Variants in PIP5K1A observed in about 807,000 individuals in gnomAD.
PIP5K1A encodes the protein phosphatidylinositol 4-phosphate 5-kinase type-1 alpha.
PIP5K1A carries 46 observed loss-of-function variants against 72.9 expected under a neutral mutation model. That is an observed-to-expected ratio of 0.63 (90% CI 0.50 to 0.81). PIP5K1A has a LOEUF of 0.81. PIP5K1A is among the 30% of genes least tolerant of loss of function. PIP5K1A has a pLI of 0.00. For missense variants in PIP5K1A, 458 were observed against 706.1 expected (o/e 0.65, Z 3.98); for synonymous variants, 228 against 255.1 (o/e 0.89, Z 1.01).
rs988479962 is a variant in PIP5K1A at position 151,241,261 on chromosome 1, G to A, written c.1364-862G>A. 3.4e-4 allele frequency among the ~76,000 whole-genome samples: 51 copies of A among 152,194 alleles called. 2 individuals carry two copies. Among genetic ancestry groups the A allele is most frequent in the Non-Finnish European group, 1.5e-5 (1 of 68,036 alleles). ...TCACACCAGTAATCCCAGCATTTTA[G>A]GAGGCCGAGGAGGGCAGATCACAAG... On this transcript the variant is annotated intron_variant, in intron 12 of 15. Coordinates refer to ENST00000368888, the MANE Select transcript of PIP5K1A (RefSeq NM_001135638.2).
Position 151,247,979 on chromosome 1 carries a change from T to C in PIP5K1A, c.*114T>C. 1 of 933,772 alleles carries C rather than the reference T, an allele frequency of 1.1e-6. No homozygotes were observed. Among genetic ancestry groups the C allele is most frequent in the Non-Finnish European group, 1.8e-6 (1 of 569,364 alleles). The allele number at this position is 933,772 out of a possible 1,614,324, so 57.8% of individuals were successfully genotyped here. A position where few individuals can be genotyped will look rare whatever the true frequency, so the allele number is the denominator to read the frequency against. On this transcript the variant is annotated 3_prime_UTR_variant, in exon 16 of 16. Transcript: ENST00000368888. ...TTCTACTTGGTCATCAAAAAAGGAG[T>C]GTAATAGAAGTGAGGGGAGCTGCTC... is the stretch of plus-strand genomic sequence containing the variant.
At chr1:151,213,206 TAAAATTTG>T (rs1687105826) in intron 1 of PIP5K1A, among the ~76,000 whole-genome samples, 1 of 152,140 alleles carries the variant, frequency 6.6e-6, no homozygotes. Context: ...TTTTAAAAAA[TAAAATTTG>T]TATTTTTTTG....
intron 1 of PIP5K1A, among the ~76,000 whole-genome samples, chr1:151,201,886 G>A (rs1227908950): frequency 6.6e-6 from 1 of 152,024 alleles, no homozygotes; most frequent in Non-Finnish European, 1.5e-5. Flanking sequence ...GGGGCAAAAA[G>A]TGGCTAAATT....
intron 9 of PIP5K1A, 85 bp from the exon 10 acceptor site, chr1:151,238,097 G>A (rs1332197883): frequency 3.8e-6 from 3 of 788,692 alleles, no homozygotes; most frequent in Non-Finnish European, 6.8e-6. Flanking sequence ...GGATGAGGCA[G>A]TTATGTGTAG....
intron 1 of PIP5K1A, among the ~76,000 whole-genome samples, chr1:151,220,177 T>G (rs1688215605): frequency 6.6e-6 from 1 of 151,826 alleles, no homozygotes; most frequent in South Asian, 2.1e-4. Flanking sequence ...GCTACTTTTT[T>G]GTATTTTTAG....
At chr1:151,227,520 G>T in intron 4 of PIP5K1A, 120 bp downstream of exon 4, 2 of 592,988 alleles carry the variant, frequency 3.4e-6, no homozygotes, top group Non-Finnish European at 6.0e-6. Context: ...CTAAGCTTTT[G>T]CACATAATAC....
chr1:151,223,967 CA>C (rs200726239), intron 1 of PIP5K1A: 361 of 466,464 alleles, frequency 7.7e-4, no homozygotes, highest in South Asian at 1.2e-3. Context: ...GACTCCATCT[CA>C]AAAAAAAAGA....
intron 4 of PIP5K1A, among the ~76,000 whole-genome samples, chr1:151,230,795 C>T (rs1689932733): frequency 6.6e-6 from 1 of 152,240 alleles, no homozygotes; most frequent in Admixed American, 6.5e-5. Flanking sequence ...CCACCTCAGT[C>T]TCCCAAAGTG....
At chr1:151,197,184 G>A (rs1684633534), upstream of PIP5K1A, among the ~76,000 whole-genome samples, 1 of 150,764 alleles carries the variant, frequency 6.6e-6, no homozygotes, top group South Asian at 2.1e-4. Context: ...TTCTATGGAT[G>A]TTCGGGTCCT....
chr1:151,219,071 G>A (rs1688024276), intron 1 of PIP5K1A, among the ~76,000 whole-genome samples: 1 of 151,994 alleles, frequency 6.6e-6, no homozygotes, highest in Non-Finnish European at 1.5e-5. Context: ...TTTGTAATAA[G>A]TGGTTTTAGC....
Position 151,239,935 on chromosome 1 carries a change from G to C in PIP5K1A, c.1279-20G>C. 1.9e-6 allele frequency: 3 copies of C among 1,591,728 alleles called. No homozygotes were observed. The highest frequency in any genetic ancestry group is 2.6e-6 in the Non-Finnish European group (3 of 1,160,192). On this transcript the variant is annotated intron_variant, in intron 11 of 15. Coordinates refer to ENST00000368888, the MANE Select transcript of PIP5K1A (RefSeq NM_001135638.2). Reference sequence around the variant, plus strand: ...TCTTGCCGGGCCTCCTAACTCTATAGCATTTCTTCTGCTCTGCAGGACACT... The same window carrying C: ...TCTTGCCGGGCCTCCTAACTCTATACCATTTCTTCTGCTCTGCAGGACACT...
chr1:151,246,887 TTC>T (rs1692584506), intron 14 of PIP5K1A, 31 bp from the exon 15 acceptor site: 1 of 1,568,600 alleles, frequency 6.4e-7, no homozygotes. Context: ...CTAATTCTTT[TTC>T]TCTCTGCTTC....
rs587617254 is a variant in PIP5K1A at position 151,224,531 on chromosome 1, C to G, written c.156+125C>G. Reference sequence around the variant, plus strand: ...ATATACCAAAAAGTAAATACTGTACCTAAGTGCCCTTTAAGATATTCTTAT... The same window carrying G: ...ATATACCAAAAAGTAAATACTGTACGTAAGTGCCCTTTAAGATATTCTTAT... On this transcript the variant is annotated intron_variant, in intron 3 of 15. Coordinates refer to ENST00000368888, the MANE Select transcript of PIP5K1A (RefSeq NM_001135638.2). 2.6e-5 allele frequency: 19 copies of G among 725,082 alleles called. No individual in the cohort carries two copies. The South Asian group carries it at 2.8e-4, about 11-fold the overall frequency. 44.9% of individuals were successfully genotyped at this position (725,082 alleles called of 1,614,324 possible).
chr1:151,221,499 G>T (rs1326839719), intron 1 of PIP5K1A, among the ~76,000 whole-genome samples: 1 of 152,162 alleles, frequency 6.6e-6, no homozygotes, highest in Non-Finnish European at 1.5e-5. Context: ...GTAGACTGAT[G>T]ATAATGAAGA....
Position 151,249,047 on chromosome 1 carries a change from C to T in PIP5K1A, c.*1182C>T, listed in dbSNP as rs759120211. 18 of 152,118 alleles carry T rather than the reference C, an allele frequency of 1.2e-4. No homozygotes were observed. Among genetic ancestry groups the T allele is most frequent in the Non-Finnish European group, 2.2e-4 (15 of 68,030 alleles). The allele number at this position is 152,118 out of a possible 1,614,324, so 9.4% of individuals were successfully genotyped here. A position where few individuals can be genotyped will look rare whatever the true frequency, so the allele number is the denominator to read the frequency against. Reference sequence around the variant, plus strand: ...AGTTGGAAATGGGGGCTACATATGCCCTCTCCTCCCCGTCTACAAGAGTTG... The same window carrying T: ...AGTTGGAAATGGGGGCTACATATGCTCTCTCCTCCCCGTCTACAAGAGTTG... On this transcript the variant is annotated 3_prime_UTR_variant, in exon 16 of 16. Transcript: ENST00000368888.
At chr1:151,223,807 G>T (rs78641291) in intron 1 of PIP5K1A, 1 of 169,132 alleles carries the variant, frequency 5.9e-6, no homozygotes, top group Non-Finnish European at 1.3e-5. Context: ...CAGCCATCAT[G>T]GTGAAATCCC....
intron 8 of PIP5K1A, 74 bp from the exon 9 acceptor site, chr1:151,236,483 CA>C (rs1006036555): frequency 3.4e-6 from 4 of 1,191,036 alleles, no homozygotes; most frequent in Non-Finnish European, 4.8e-6. Context: ...CTCAAAAAAA[CA>C]AAAAAATTGT....
intron 9 of PIP5K1A, among the ~76,000 whole-genome samples, chr1:151,237,576 C>A (rs145094581): frequency 3.1e-4 from 47 of 152,148 alleles, no homozygotes; most frequent in South Asian, 2.1e-4. Flanking sequence ...GGCAGAATTG[C>A]TTGAGCCCAG....
In PIP5K1A at chr1:151,232,228, A is replaced by T; in HGVS notation, c.369-20A>T. On this transcript the variant is annotated intron_variant, in intron 5 of 15. Transcript: ENST00000368888. ...TGATAGGGACTGGCAAGTTATGGCT[A>T]CCTCTGTTTAACCCCACAGTGAAGG... 1 of 1,520,028 alleles carries T rather than the reference A, an allele frequency of 6.6e-7. No individual in the cohort carries two copies. The highest frequency in any genetic ancestry group is 9.1e-7 in the Non-Finnish European group (1 of 1,094,354). The allele number at this position is 1,520,028 out of a possible 1,614,324, so 94.2% of individuals were successfully genotyped here.
Sources: allele counts gnomAD v4.1 joint callset (sites outside exome capture counted in the v4.1 genomes callset), GRCh38; gene constraint gnomAD v4.1.1; transcripts MANE v1.5; gene names NCBI Gene and HGNC (gene_info 2026-07-23, HGNC 2026-07-21).